GLYR1: variants seen among roughly 807,000 people sequenced by gnomAD.
GLYR1 encodes the protein cytokine-like nuclear factor N-PAC.
In GLYR1, 21 loss-of-function variants were observed where a neutral mutation model predicts 72.7. The observed-to-expected ratio is 0.29, with a 90% CI of 0.20 to 0.42. The LOEUF (loss-of-function observed/expected upper bound fraction) is 0.42, where lower values mean the gene tolerates loss of function less well. GLYR1 is among the 10% of genes least tolerant of loss of function. GLYR1 has a pLI of 1.00. For missense variants in GLYR1, 594 were observed against 712.1 expected (o/e 0.83, Z 1.89); for synonymous variants, 392 against 270.2 (o/e 1.45, Z -4.42).
chr16:4,824,165 G>C (rs977528280), intron 5 of GLYR1, among the ~76,000 whole-genome samples: 3 of 152,196 alleles, frequency 2.0e-5, no homozygotes, highest in Admixed American at 2.0e-4. Context: ...ACGATCTGCA[G>C]TACTGTCTGC....
intron 7 of GLYR1, among the ~76,000 whole-genome samples, chr16:4,822,160 T>C (rs1411062572): frequency 6.6e-6 from 1 of 152,170 alleles, no homozygotes; most frequent in Admixed American, 6.5e-5. Context: ...CATCTCGGCT[T>C]GCTGCAACCT....
rs775545238 is a variant in GLYR1 at position 4,805,198 on chromosome 16, A to AG, written c.*37dup. ...CCCCATGTGAGGAAGAGGGGGTCAG[A>AG]GGGGGGATTGGAGGGGTGAGGGCGG... On this transcript the variant is annotated 3_prime_UTR_variant, in exon 16 of 16. Transcript: ENST00000321919. 2 of 1,567,704 alleles carry AG rather than the reference A, an allele frequency of 1.3e-6. No individual in the cohort carries two copies. The highest frequency in any genetic ancestry group is 1.7e-5 in the Admixed American group (1 of 59,666).
chr16:4,847,129 G>A (rs540309391), intron 1 of GLYR1, 99 bp downstream of exon 1: 7 of 1,134,974 alleles, frequency 6.2e-6, no homozygotes, highest in Admixed American at 2.0e-5. Context: ...TCCGCGACCT[G>A]GAGCGCATAA....
intron 3 of GLYR1, among the ~76,000 whole-genome samples, chr16:4,842,684 C>T (rs761691733): frequency 1.4e-5 from 2 of 146,842 alleles, no homozygotes; most frequent in African/African-American, 5.1e-5. Context: ...TATCTGCCAT[C>T]ATTCATTCTG....
intron 3 of GLYR1, among the ~76,000 whole-genome samples, chr16:4,842,761 G>A (rs754047262): frequency 2.4e-4 from 36 of 151,950 alleles, no homozygotes; most frequent in Non-Finnish European, 4.7e-4. Context: ...GTGCAGTGGC[G>A]CGATCTCAGC....
At position 4,805,044 on chromosome 16, in the gene GLYR1, C is replaced by A; in HGVS notation, c.*192G>T. On this transcript the variant is annotated 3_prime_UTR_variant, in exon 16 of 16. Transcript: ENST00000321919. ...TTCCCACACGCCAATCCTGCTGACA[C>A]TTGTCCCCTCCCCACCGGCCTCAGG... 1.6e-6 allele frequency: 1 copy of A among 608,394 alleles called. No homozygotes were observed. Among genetic ancestry groups the A allele is most frequent in the Non-Finnish European group, 3.0e-6 (1 of 337,468 alleles). The allele number at this position is 608,394 out of a possible 1,614,324, so 37.7% of individuals were successfully genotyped here. A position where few individuals can be genotyped will look rare whatever the true frequency, so the allele number is the denominator to read the frequency against.
At position 4,804,970 on chromosome 16, in the gene GLYR1, TGA is replaced by T. The variant is rs1555493517; in HGVS notation, c.*264_*265del. On this transcript the variant is annotated 3_prime_UTR_variant, in exon 16 of 16. Coordinates refer to ENST00000321919, the MANE Select transcript of GLYR1 (RefSeq NM_032569.4). ...GTGTGTGTGTGTGTGTGTGTGTGTG[TGA>T]ACACACAGCCACCTCGTCCGGGGGG... The T allele has an allele frequency of 4.0e-5, 21 of 526,174 alleles. 1 individual carries two copies. The highest frequency in any genetic ancestry group is 2.3e-4 in the East Asian group (7 of 30,698). 32.6% of individuals were successfully genotyped at this position (526,174 alleles called of 1,614,324 possible). A position where few individuals can be genotyped will look rare whatever the true frequency, so the allele number is the denominator to read the frequency against.
intron 9 of GLYR1, among the ~76,000 whole-genome samples, chr16:4,819,350 C>A (rs534722124): frequency 6.6e-6 from 1 of 152,204 alleles, no homozygotes; most frequent in East Asian, 1.9e-4. Flanking sequence ...TGCTGTCTCC[C>A]AGGCTGGAGT....
In GLYR1 at chr16:4,817,231, T is replaced by A. The variant is rs562657736; in HGVS notation, c.906+367A>T. 4.6e-5 allele frequency among the ~76,000 whole-genome samples: 7 copies of A among 151,914 alleles called. No individual in the cohort carries two copies. The East Asian group carries it at 1.2e-3, about 26-fold the overall frequency. On this transcript the variant is annotated intron_variant, in intron 10 of 15. Transcript: ENST00000321919. The stretch of plus-strand genomic sequence containing the variant: ...GCCTCCCGGGTTCATGCCATTCTCC[T>A]GCCTCAGCCTCTGGAGCAGCTGGGA...
intron 2 of GLYR1, 144 bp downstream of exon 2, chr16:4,846,030 C>T (rs558946567): frequency 6.2e-6 from 5 of 806,316 alleles, no homozygotes; most frequent in South Asian, 4.2e-5. Context: ...AAAAAATAAC[C>T]GATACTAGGG....
rs974884132 is a variant in GLYR1 at position 4,846,207 on chromosome 16, C to T, written c.42G>A (p.Gly14=). The T allele has an allele frequency of 1.2e-6, 2 of 1,613,770 alleles. No homozygotes were observed. The highest frequency in any genetic ancestry group is 1.3e-5 in the African/African-American group (1 of 74,920). ...GCCAAGGAGGATATCGGCCGAGTTT[C>T]CCCCTAGAGAAAACACAAAGAGTCA... The part of the protein sequence containing the change: ...VSLRLGDLVW[G]KLGRYPPWPG... Residue 14 remains glycine, a synonymous_variant, in exon 2 of 16, where the codon GGG becomes GGA. Transcript: ENST00000321919.
intron 15 of GLYR1, among the ~76,000 whole-genome samples, chr16:4,810,699 T>TA (rs551202037): frequency 0.1 from 2,175 of 21,738 alleles, 563 homozygotes; most frequent in African/African-American, 0.11. Context: ...CTGTCTCTAC[T>TA]AAAAAAAAAA....
chr16:4,839,837 A>G (rs2085417008), intron 3 of GLYR1: 1 of 152,230 alleles, frequency 6.6e-6, no homozygotes, highest in African/African-American at 2.4e-5. Context: ...TTAAAAAAGT[A>G]TAACTACACT....
At chr16:4,843,816 C>G in intron 3 of GLYR1, 1 of 253,396 alleles carries the variant, frequency 3.9e-6, no homozygotes, top group South Asian at 5.2e-5. Context: ...ATCAAACCGG[C>G]TGGGCATGGT....
rs1460598848 is a variant in GLYR1 at position 4,805,044 on chromosome 16, C to T, written c.*192G>A. The T allele has an allele frequency of 4.9e-6, 3 of 608,394 alleles. No individual in the cohort carries two copies. The East Asian group carries it at 8.4e-5, about 17-fold the overall frequency. 37.7% of individuals were successfully genotyped at this position (608,394 alleles called of 1,614,324 possible). On this transcript the variant is annotated 3_prime_UTR_variant, in exon 16 of 16. Transcript: ENST00000321919. ...TTCCCACACGCCAATCCTGCTGACACTTGTCCCCTCCCCACCGGCCTCAGG... is the reference window on the plus strand; with the variant it reads ...TTCCCACACGCCAATCCTGCTGACATTTGTCCCCTCCCCACCGGCCTCAGG...
At chr16:4,823,068 T>C (rs2084144226) in intron 6 of GLYR1, 137 bp from the exon 7 acceptor site, 1 of 763,668 alleles carries the variant, frequency 1.3e-6, no homozygotes, top group Non-Finnish European at 2.2e-6. Context: ...TGGAAACTCT[T>C]TTCCCATTTT....
At chr16:4,822,109 T>TA (rs1567713469) in intron 7 of GLYR1, among the ~76,000 whole-genome samples, 1 of 152,256 alleles carries the variant, frequency 6.6e-6, no homozygotes, top group East Asian at 1.9e-4. Flanking sequence ...TCTTCTGAGA[T>TA]AGAGTCTCGC....
chr16:4,813,475 C>A (rs977288008), intron 12 of GLYR1, among the ~76,000 whole-genome samples: 1 of 152,190 alleles, frequency 6.6e-6, no homozygotes, highest in Non-Finnish European at 1.5e-5. Context: ...GCCAGGCGGG[C>A]GGCCTGGGTT....
rs528201022 is a variant in GLYR1, at chr16:4,823,292, T to C, written c.625-361A>G. On this transcript the variant is annotated intron_variant, in intron 6 of 15. Coordinates refer to ENST00000321919, the MANE Select transcript of GLYR1 (RefSeq NM_032569.4). ...AACTAAGTCACATCTATTCTGGAAT[T>C]TCAGGGTTTTGGCCTACTTGTGTCT... 2.6e-5 allele frequency among the ~76,000 whole-genome samples: 4 copies of C among 152,298 alleles called. No homozygotes were observed. The East Asian group carries it at 7.7e-4, about 29-fold the overall frequency.
Sources: gnomAD v4.1 joint callset for allele counts (sites outside exome capture counted in the v4.1 genomes callset) on GRCh38, gnomAD v4.1.1 for gene constraint, MANE v1.5 for transcripts, NCBI Gene and HGNC (gene_info 2026-07-23, HGNC 2026-07-21) for gene names.